The following QTMAN variants were observed in gnomAD, a reference collection of about 807,000 sequenced individuals.
QTMAN encodes tRNA-queuosine alpha-mannosyltransferase.
At chr2:144,145,857 C>T in the QTMAN span, 2 of 694,952 alleles carry the variant, frequency 2.9e-6, no homozygotes, top group Non-Finnish European at 4.8e-6. Flanking sequence ...TATAGGGACA[C>T]ATCAATAGTT....
At chr2:144,238,115 TC>T in the QTMAN span, among the ~76,000 whole-genome samples, 1 of 152,152 alleles carries the variant, frequency 6.6e-6, no homozygotes, top group South Asian at 2.1e-4. Flanking sequence ...CACTCTAACT[TC>T]CTGTATTCAC....
the QTMAN span, among the ~76,000 whole-genome samples, chr2:144,158,844 T>G: frequency 6.6e-6 from 1 of 152,054 alleles, no homozygotes; most frequent in Non-Finnish European, 1.5e-5. Context: ...AGCCTTAATA[T>G]CAGTTTATGC....
the QTMAN span, among the ~76,000 whole-genome samples, chr2:144,323,375 TAAGTGA>T: frequency 6.6e-6 from 1 of 152,214 alleles, no homozygotes; most frequent in Non-Finnish European, 1.5e-5. Context: ...AGGACATTCT[TAAGTGA>T]AAGTGGCTTT....
the QTMAN span, chr2:144,208,597 A>G: frequency 2.5e-6 from 4 of 1,610,076 alleles, no homozygotes; most frequent in African/African-American, 5.4e-5. Flanking sequence ...CCTGAGCTCT[A>G]ATTACCTGTA....
the QTMAN span, among the ~76,000 whole-genome samples, chr2:144,068,282 TTCA>T: frequency 6.6e-6 from 1 of 152,172 alleles, no homozygotes; most frequent in Non-Finnish European, 1.5e-5. Context: ...ACAGTACATT[TTCA>T]TCAAGTGCTG....
chr2:144,272,347 GA>G, the QTMAN span, among the ~76,000 whole-genome samples: 22 of 151,856 alleles, frequency 1.4e-4, no homozygotes, highest in Admixed American at 4.6e-4. Context: ...ATTTAGGTTT[GA>G]AAAAAATACA....
chr2:144,172,720 T>C, the QTMAN span, among the ~76,000 whole-genome samples: 1 of 151,308 alleles, frequency 6.6e-6, no homozygotes, highest in South Asian at 2.1e-4. Flanking sequence ...ACACAGTAGA[T>C]AAAATTATTC....
At chr2:144,197,028 A>G in the QTMAN span, among the ~76,000 whole-genome samples, 2 of 152,156 alleles carry the variant, frequency 1.3e-5, no homozygotes, top group Non-Finnish European at 2.9e-5. Flanking sequence ...TGTGAGCATC[A>G]CAGAGTGTAC....
At chr2:144,200,974 T>C in the QTMAN span, among the ~76,000 whole-genome samples, 5 of 152,190 alleles carry the variant, frequency 3.3e-5, no homozygotes, top group African/African-American at 1.2e-4. Flanking sequence ...TAATAACTCA[T>C]TCCTTCGACC....
At chr2:144,247,261 C>G in the QTMAN span, among the ~76,000 whole-genome samples, 1 of 152,046 alleles carries the variant, frequency 6.6e-6, no homozygotes, top group Non-Finnish European at 1.5e-5. Flanking sequence ...ATGCAATTCC[C>G]TTTATGGAAA....
At chr2:144,086,715 C>T in the QTMAN span, among the ~76,000 whole-genome samples, 1 of 152,134 alleles carries the variant, frequency 6.6e-6, no homozygotes, top group Non-Finnish European at 1.5e-5. Context: ...TTTATTCATA[C>T]ATTTTCTTTA....
chr2:144,184,583 A>C, the QTMAN span, among the ~76,000 whole-genome samples: 1 of 152,162 alleles, frequency 6.6e-6, no homozygotes, highest in African/African-American at 2.4e-5. Flanking sequence ...TGGCTATAGG[A>C]AGTATTTCTT....
At chr2:144,289,441 A>G in the QTMAN span, among the ~76,000 whole-genome samples, 1 of 152,268 alleles carries the variant, frequency 6.6e-6, no homozygotes, top group Admixed American at 6.5e-5. Context: ...TGCTGCTAGA[A>G]GCTCAAAGTG....
the QTMAN span, among the ~76,000 whole-genome samples, chr2:144,016,316 A>T: frequency 2.1e-4 from 32 of 152,282 alleles, no homozygotes; most frequent in Non-Finnish European, 4.1e-4. Flanking sequence ...ACTTTTTTCA[A>T]ACTTAATAAT....
the QTMAN span, among the ~76,000 whole-genome samples, chr2:144,122,428 G>C: frequency 6.6e-6 from 1 of 152,188 alleles, no homozygotes; most frequent in Non-Finnish European, 1.5e-5. Flanking sequence ...CAGGTCATAA[G>C]TTGGCTAGCA....
At chr2:144,119,663 A>G in the QTMAN span, among the ~76,000 whole-genome samples, 1 of 152,206 alleles carries the variant, frequency 6.6e-6, no homozygotes, top group South Asian at 2.1e-4. Context: ...GGATTTCTAC[A>G]CTTTGGATTT....
the QTMAN span, among the ~76,000 whole-genome samples, chr2:144,114,377 T>C: frequency 3.0e-4 from 45 of 152,336 alleles, no homozygotes; most frequent in African/African-American, 1.1e-3. Flanking sequence ...TGGCCCCTTA[T>C]ATGTCACATA....
At chr2:144,091,529 T>G in the QTMAN span, among the ~76,000 whole-genome samples, 1 of 152,204 alleles carries the variant, frequency 6.6e-6, no homozygotes, top group African/African-American at 2.4e-5. Flanking sequence ...AGATTGACCT[T>G]ATCAAGTGCT....
the QTMAN span, among the ~76,000 whole-genome samples, chr2:144,226,213 A>G: frequency 6.6e-6 from 1 of 152,218 alleles, no homozygotes; most frequent in African/African-American, 2.4e-5. Context: ...TGAAATACAG[A>G]GGAATGGAGA....
Sources: gnomAD v4.1 joint callset for allele counts (sites outside exome capture counted in the v4.1 genomes callset) on GRCh38, gnomAD v4.1.1 for gene constraint, MANE v1.5 for transcripts, NCBI Gene and HGNC (gene_info 2026-07-23, HGNC 2026-07-21) for gene names.